NCALD: variants seen among roughly 807,000 people sequenced by gnomAD.
NCALD encodes the protein neurocalcin-delta.
A neutral mutation model predicts 18.6 loss-of-function variants in NCALD; 10 were observed. That is an observed-to-expected ratio of 0.54 (90% CI 0.33 to 0.91). The LOEUF (loss-of-function observed/expected upper bound fraction) is 0.91, where lower values mean the gene tolerates loss of function less well. Ranked by LOEUF, NCALD falls within the 40% of genes least tolerant of loss-of-function variation. The probability of loss-of-function intolerance (pLI) is 0.03; values close to 1 mark genes in which losing one functional copy is unlikely to be tolerated. For synonymous variants in NCALD, 88 were observed against 87.4 expected, an observed-to-expected ratio of 1.01 and a Z score of -0.04; for missense variants, 184 against 247.6, an observed-to-expected ratio of 0.74 and a Z score of 1.72.
intron 4 of NCALD, among the ~76,000 whole-genome samples, chr8:101,834,988 A>C (rs1416620922): frequency 6.6e-6 from 1 of 152,206 alleles, no homozygotes; most frequent in Non-Finnish European, 1.5e-5. Flanking sequence ...AAGTCACCTC[A>C]CTTCTTTGTA....
chr8:101,956,526 G>A (rs948413828), intron 2 of NCALD, among the ~76,000 whole-genome samples: 1 of 151,914 alleles, frequency 6.6e-6, no homozygotes, highest in South Asian at 2.1e-4. Context: ...ATAGGTACAC[G>A]TAAGTATCTA....
intron 3 of NCALD, among the ~76,000 whole-genome samples, chr8:101,898,483 GTTC>G (rs1477236595): frequency 6.6e-6 from 1 of 152,020 alleles, no homozygotes; most frequent in Non-Finnish European, 1.5e-5. Context: ...TTCTAACACA[GTTC>G]TTCATAGAAC....
chr8:102,096,738 C>T (rs977273845), intron 1 of NCALD, among the ~76,000 whole-genome samples: 5 of 152,202 alleles, frequency 3.3e-5, no homozygotes, highest in African/African-American at 9.7e-5. Flanking sequence ...GGTATTTGGA[C>T]TCAGGAAGAT....
intron 4 of NCALD, among the ~76,000 whole-genome samples, chr8:101,837,126 C>G (rs910218174): frequency 2.0e-5 from 3 of 152,168 alleles, no homozygotes; most frequent in Non-Finnish European, 4.4e-5. Flanking sequence ...CATTGCCAAT[C>G]ACTTCACTGG....
chr8:102,110,108 C>A (rs1166192999), intron 1 of NCALD, among the ~76,000 whole-genome samples: 2 of 152,122 alleles, frequency 1.3e-5, no homozygotes, highest in South Asian at 2.1e-4. Context: ...AACACCCAGA[C>A]CTTTAACACT....
intron 2 of NCALD, among the ~76,000 whole-genome samples, chr8:101,931,314 C>T (rs780528609): frequency 6.6e-5 from 10 of 152,196 alleles, no homozygotes; most frequent in Non-Finnish European, 1.0e-4. Flanking sequence ...ACCAAGGCTC[C>T]TCCAATAGAC....
intron 4 of NCALD, among the ~76,000 whole-genome samples, chr8:101,851,662 A>C (rs944318565): frequency 6.6e-6 from 1 of 152,072 alleles, no homozygotes; most frequent in Admixed American, 6.6e-5. Flanking sequence ...CAGACTGCAA[A>C]CACCCATTAG....
intron 2 of NCALD, among the ~76,000 whole-genome samples, chr8:101,988,797 A>C (rs1459772605): frequency 6.7e-6 from 1 of 149,894 alleles, no homozygotes; most frequent in Non-Finnish European, 1.5e-5. Context: ...GGACATTTAG[A>C]CTCTATTTCC....
At chr8:101,918,018 CACA>C (rs1818031237) in intron 2 of NCALD, among the ~76,000 whole-genome samples, 1 of 151,968 alleles carries the variant, frequency 6.6e-6, no homozygotes, top group South Asian at 2.1e-4. Context: ...CTGGCAAAGA[CACA>C]ACAACCAAAA....
In NCALD at chr8:101,790,951, CAG is replaced by C. The variant is rs1446850253; in HGVS notation, c.-111_-110del. The C allele has an allele frequency of 6.6e-6, 1 of 152,302 alleles. No individual in the cohort carries two copies. Among genetic ancestry groups the C allele is most frequent in the Non-Finnish European group, 1.5e-5 (1 of 68,098 alleles). The allele number at this position is 152,302 out of a possible 1,614,324, so 9.4% of individuals were successfully genotyped here. Reference sequence around the variant, plus strand: ...AGCAGCAGCAAGGTCCAGCATCCACCAGATTCTCACAAGCCTTTGACTGTGTG... The same window carrying C: ...AGCAGCAGCAAGGTCCAGCATCCACCATTCTCACAAGCCTTTGACTGTGTG... On this transcript the variant is annotated 5_prime_UTR_variant, in exon 1 of 4. In the 5' UTR this introduces an upstream ATG that the reference lacks. Coordinates refer to ENST00000220931, the MANE Select transcript of NCALD (RefSeq NM_032041.3).
intron 4 of NCALD, among the ~76,000 whole-genome samples, chr8:101,817,286 C>T (rs759805920): frequency 6.6e-6 from 1 of 152,086 alleles, no homozygotes; most frequent in African/African-American, 2.4e-5. Context: ...CCTCAGGGAG[C>T]GCCTGGGAAG....
intron 3 of NCALD, among the ~76,000 whole-genome samples, chr8:101,904,930 C>T (rs1299813025): frequency 6.6e-6 from 1 of 152,188 alleles, no homozygotes; most frequent in African/African-American, 2.4e-5. Flanking sequence ...CCAGTTTCCT[C>T]CTCTTTTGCC....
At chr8:101,902,151 T>C (rs59332201) in intron 3 of NCALD, among the ~76,000 whole-genome samples, 10,279 of 152,208 alleles carry the variant, frequency 0.068, 729 homozygotes, top group African/African-American at 0.18. Context: ...ATCCGTGCCC[T>C]CTTTTTTTTC....
At chr8:102,075,223 C>G (rs1020824082) in intron 1 of NCALD, among the ~76,000 whole-genome samples, 1 of 152,056 alleles carries the variant, frequency 6.6e-6, no homozygotes, top group Admixed American at 6.6e-5. Flanking sequence ...AGTGCCACAC[C>G]AAGAAAAGTC....
At chr8:101,690,273 T>A in intron 3 of NCALD, 1 of 985,402 alleles carries the variant, frequency 1.0e-6, no homozygotes, top group Non-Finnish European at 1.2e-6. Flanking sequence ...GGACCCTTCC[T>A]CTTTGTCTAC....
At chr8:101,801,887 C>T (rs938278636) in intron 4 of NCALD, among the ~76,000 whole-genome samples, 3 of 151,850 alleles carry the variant, frequency 2.0e-5, no homozygotes, top group Non-Finnish European at 4.4e-5. Context: ...AGGATGGTCT[C>T]CATCTCCTGA....
At chr8:102,056,107 T>C (rs1299259073) in intron 1 of NCALD, among the ~76,000 whole-genome samples, 1 of 152,228 alleles carries the variant, frequency 6.6e-6, no homozygotes, top group East Asian at 1.9e-4. Flanking sequence ...ACCTTTGAAC[T>C]AAACAATTCC....
At chr8:101,930,115 T>C (rs760711345) in intron 2 of NCALD, among the ~76,000 whole-genome samples, 4 of 152,040 alleles carry the variant, frequency 2.6e-5, no homozygotes, top group Non-Finnish European at 5.9e-5. Context: ...CAAATATGAG[T>C]ATTTTTTAAA....
intron 2 of NCALD, among the ~76,000 whole-genome samples, chr8:101,953,824 C>T (rs933780222): frequency 2.0e-5 from 3 of 152,200 alleles, no homozygotes; most frequent in African/African-American, 7.2e-5. Flanking sequence ...ATGGGAATTC[C>T]CAAATTTGTA....
Sources: gnomAD v4.1 joint callset for allele counts (sites outside exome capture counted in the v4.1 genomes callset) on GRCh38, gnomAD v4.1.1 for gene constraint, MANE v1.5 for transcripts, NCBI Gene and HGNC (gene_info 2026-07-23, HGNC 2026-07-21) for gene names.